DESI1: variants seen among roughly 807,000 people sequenced by gnomAD.
The protein encoded by DESI1 is PPPDE peptidase domain containing 2.
DESI1 carries 17 observed loss-of-function variants against 22.4 expected under a neutral mutation model. That is an observed-to-expected ratio of 0.76 (90% CI 0.52 to 1.14). DESI1 has a LOEUF of 1.14. Among genes scored for constraint, DESI1 ranks in the 50% most tolerant of loss-of-function variants. The pLI is 0.00. For missense variants in DESI1, 177 were observed against 208.9 expected (o/e 0.85, Z 0.94); for synonymous variants, 92 against 84.2 (o/e 1.09, Z -0.51).
chr22:41,603,406 C>T, intron 4 of DESI1, 25 bp from the exon 5 acceptor site: 1 of 1,613,950 alleles, frequency 6.2e-7, no homozygotes, highest in Non-Finnish European at 8.5e-7. Flanking sequence ...GTTTGCAGAA[C>T]ATATATGAGA....
At chr22:41,616,966 A>G (rs1424922112) in intron 1 of DESI1, among the ~76,000 whole-genome samples, 2 of 152,212 alleles carry the variant, frequency 1.3e-5, no homozygotes, top group Non-Finnish European at 2.9e-5. Context: ...GGTACTGCAG[A>G]TGAGATCACA....
At chr22:41,610,278 C>G (rs1341860168) in intron 1 of DESI1, among the ~76,000 whole-genome samples, 1 of 150,828 alleles carries the variant, frequency 6.6e-6, no homozygotes, top group African/African-American at 2.4e-5. Flanking sequence ...ACTCGGGAAG[C>G]TGAGGCAGGA....
In DESI1 at chr22:41,616,525, A is replaced by AACAC. The variant is rs55785001; in HGVS notation, c.88+4223_88+4226dup. On this transcript the variant is annotated intron_variant, in intron 1 of 5. Coordinates refer to ENST00000263256, the MANE Select transcript of DESI1 (RefSeq NM_015704.3). ...ATGAAGTACTTCTTACCACAATTAA[A>AACAC]ACACACACACACACACACACACACA... 3.6e-3 allele frequency among the ~76,000 whole-genome samples: 525 copies of AACAC among 146,698 alleles called. 1 individual carries two copies. Among genetic ancestry groups the AACAC allele is most frequent in the South Asian group, 0.016 (72 of 4,562 alleles).
In DESI1 at chr22:41,600,933, G is replaced by A. The variant is rs1385714143; in HGVS notation, c.*164C>T. The A allele has an allele frequency of 1.6e-6, 1 of 639,272 alleles. No individual in the cohort carries two copies. Among genetic ancestry groups the A allele is most frequent in the African/African-American group, 1.8e-5 (1 of 54,304 alleles). The allele number at this position is 639,272 out of a possible 1,614,324, so 39.6% of individuals were successfully genotyped here. ...TGGCATTTTGTTCTGTTTCTTAGCA[G>A]CATTGTCTACATGCGGCCTGACGGT... is the stretch of plus-strand genomic sequence containing the variant. On this transcript the variant is annotated 3_prime_UTR_variant, in exon 6 of 6. Transcript: ENST00000263256.
Position 41,601,181 on chromosome 22 carries a change from T to C in DESI1, c.423A>G (p.Gly141=). 6.2e-7 allele frequency: 1 copy of C among 1,609,428 alleles called. No individual in the cohort carries two copies. The highest frequency in any genetic ancestry group is 8.5e-7 in the Non-Finnish European group (1 of 1,178,340). Residue 141 remains glycine, a synonymous_variant, in exon 6 of 6, where the codon GGA becomes GGG. Coordinates refer to ENST00000263256, the MANE Select transcript of DESI1 (RefSeq NM_015704.3). The part of the protein sequence containing the change: ...LPSEVLSTPF[G]QALRPLLDSI... ...AGTCCAGGAGGGGCCGAAGTGCCTG[T>C]CCAAAGGGCCTGCAAGGAAACAGAG...
rs540950507 is a variant in DESI1, at chr22:41,603,859, T to C, written c.290+185A>G. On this transcript the variant is annotated intron_variant, in intron 4 of 5. Coordinates refer to ENST00000263256, the MANE Select transcript of DESI1 (RefSeq NM_015704.3). ...GGCAGAAAGTATGTTTGAAGGAATA[T>C]CTGTATCAGAACAACTTAGAGCTTT... 1.1e-3 allele frequency among the ~76,000 whole-genome samples: 165 copies of C among 152,346 alleles called. 1 individual carries two copies. Among genetic ancestry groups the C allele is most frequent in the African/African-American group, 3.7e-3 (154 of 41,572 alleles).
chr22:41,616,278 G>A (rs1161704825), intron 1 of DESI1, among the ~76,000 whole-genome samples: 2 of 152,066 alleles, frequency 1.3e-5, no homozygotes, highest in African/African-American at 2.4e-5. Context: ...CAGAGTTCAC[G>A]TCATATCTTT....
rs995751018 is a variant in DESI1, at chr22:41,600,772, G to A, written c.*325C>T. 3.8e-5 allele frequency: 10 copies of A among 263,448 alleles called. No individual in the cohort carries two copies. Among genetic ancestry groups the A allele is most frequent in the Admixed American group, 1.5e-4 (3 of 19,742 alleles). 16.3% of individuals were successfully genotyped at this position (263,448 alleles called of 1,614,324 possible). ...GAAAGAGTTCTAGGTTGGGGCTCCC[G>A]CAAACTGTGACTCGCTTTCTGTTTA... On this transcript the variant is annotated 3_prime_UTR_variant, in exon 6 of 6. Transcript: ENST00000263256.
intron 1 of DESI1, 117 bp downstream of exon 1, chr22:41,620,635 C>T (rs1298019403): frequency 1.2e-5 from 12 of 1,037,908 alleles, no homozygotes; most frequent in Non-Finnish European, 1.7e-5. Context: ...GCTTTTCTTC[C>T]ATCCTCCTGG....
chr22:41,612,130 G>C (rs563038160), intron 1 of DESI1, among the ~76,000 whole-genome samples: 2 of 152,052 alleles, frequency 1.3e-5, no homozygotes, highest in African/African-American at 4.8e-5. Flanking sequence ...CTTACTAGGT[G>C]GGGGGAGGGG....
At chr22:41,603,430 C>G in intron 4 of DESI1, 49 bp from the exon 5 acceptor site, 1 of 1,612,648 alleles carries the variant, frequency 6.2e-7, no homozygotes, top group Middle Eastern at 1.7e-4. Context: ...CAGCAAGCGT[C>G]TATGTGGAAT....
rs1446574669 is a variant in DESI1 at position 41,598,526 on chromosome 22, G to A, written c.*2571C>T. On this transcript the variant is annotated 3_prime_UTR_variant, in exon 6 of 6. Coordinates refer to ENST00000263256, the MANE Select transcript of DESI1 (RefSeq NM_015704.3). ...ACAAATGGCTGCTAGTATAAAGGGG[G>A]GTGCTGTTCAAGGAAATGAGTGACT... 6.6e-6 allele frequency: 1 copy of A among 152,368 alleles called. No individual in the cohort carries two copies. Among genetic ancestry groups the A allele is most frequent in the Non-Finnish European group, 1.5e-5 (1 of 68,170 alleles). The allele number at this position is 152,368 out of a possible 1,614,324, so 9.4% of individuals were successfully genotyped here. A position where few individuals can be genotyped will look rare whatever the true frequency, so the allele number is the denominator to read the frequency against.
chr22:41,612,994 C>A (rs896202985), intron 1 of DESI1, among the ~76,000 whole-genome samples: 2 of 152,136 alleles, frequency 1.3e-5, no homozygotes, highest in African/African-American at 4.8e-5. Context: ...TAGAAGATGA[C>A]CAGAGGTAAT....
rs546709633 is a variant in DESI1 at position 41,619,833 on chromosome 22, C to T, written c.88+919G>A. ...CTCCACAGAAGCCAGGAAAAACTAG[C>T]CATTCAAATGGATGCTGTCAAAGCT... On this transcript the variant is annotated intron_variant, in intron 1 of 5. Coordinates refer to ENST00000263256, the MANE Select transcript of DESI1 (RefSeq NM_015704.3). Among the ~76,000 whole-genome samples the T allele has an allele frequency of 9.1e-4, 139 of 152,322 alleles. 1 individual carries two copies. In the Middle Eastern group the frequency reaches 0.014, roughly 15 times the overall value.
chr22:41,617,770 C>T (rs905895466), intron 1 of DESI1, among the ~76,000 whole-genome samples: 5 of 152,170 alleles, frequency 3.3e-5, no homozygotes, highest in African/African-American at 1.2e-4. Context: ...GGTGATGTTC[C>T]CATGTTTGGC....
intron 1 of DESI1, among the ~76,000 whole-genome samples, chr22:41,614,929 T>C (rs971217235): frequency 1.3e-5 from 2 of 151,312 alleles, no homozygotes; most frequent in Non-Finnish European, 2.9e-5. Context: ...AAAGTTCCTT[T>C]TCACCTGTTT....
chr22:41,616,309 T>G (rs1451277194), intron 1 of DESI1, among the ~76,000 whole-genome samples: 1 of 152,216 alleles, frequency 6.6e-6, no homozygotes, highest in Non-Finnish European at 1.5e-5. Context: ...CTATTTGTAC[T>G]ACAAAATGAA....
intron 1 of DESI1, among the ~76,000 whole-genome samples, chr22:41,614,203 AT>A (rs1188983985): frequency 6.6e-6 from 1 of 150,940 alleles, no homozygotes; most frequent in Non-Finnish European, 1.5e-5. Flanking sequence ...TGCCCGGCTA[AT>A]TTTTTGTATT....
intron 1 of DESI1, 47 bp downstream of exon 1, chr22:41,620,705 C>G (rs1280393926): frequency 6.4e-7 from 1 of 1,562,358 alleles, no homozygotes; most frequent in African/African-American, 1.4e-5. Flanking sequence ...CCGCCACCCT[C>G]TGGCCTGGCT....
Sources: gnomAD v4.1 joint callset for allele counts (sites outside exome capture counted in the v4.1 genomes callset) on GRCh38, gnomAD v4.1.1 for gene constraint, MANE v1.5 for transcripts, NCBI Gene and HGNC (gene_info 2026-07-23, HGNC 2026-07-21) for gene names.